IQSEC1: variants seen among roughly 807,000 people sequenced by gnomAD.
The protein encoded by IQSEC1 is IQ motif and Sec7 domain ArfGEF 1.
Under a neutral mutation model 91.0 loss-of-function variants are expected in IQSEC1, and 31 were observed. The observed-to-expected ratio is 0.34, with a 90% CI of 0.26 to 0.46. The LOEUF (loss-of-function observed/expected upper bound fraction) is 0.46, where lower values mean the gene tolerates loss of function less well. Among genes scored for constraint, IQSEC1 ranks in the 20% least tolerant of loss-of-function variants. IQSEC1 has a pLI of 1.00. For missense variants in IQSEC1, 1,388 were observed against 1,575.6 expected (o/e 0.88, Z 2.02); for synonymous variants, 699 against 662.6 (o/e 1.05, Z -0.84).
chr3:13,280,421 C>CG (rs144039440), intron 1 of IQSEC1, among the ~76,000 whole-genome samples: 5 of 152,118 alleles, frequency 3.3e-5, no homozygotes, highest in African/African-American at 1.2e-4. Context: ...TGAGCAGCCC[C>CG]GGGGGGGCCC....
chr3:13,162,048 C>T (rs1229602938), intron 2 of IQSEC1, among the ~76,000 whole-genome samples: 3 of 152,184 alleles, frequency 2.0e-5, no homozygotes, highest in Non-Finnish European at 4.4e-5. Flanking sequence ...CCTGATGATC[C>T]GCTGGAGTGA....
chr3:13,187,165 C>T (rs1195748396), intron 1 of IQSEC1, among the ~76,000 whole-genome samples: 1 of 152,202 alleles, frequency 6.6e-6, no homozygotes, highest in Non-Finnish European at 1.5e-5. Context: ...TCACAAACCC[C>T]TACTGAGTAT....
rs1456680078 is a variant in IQSEC1, at chr3:13,073,019, T to A, written c.-5A>T. On this transcript the variant is annotated 5_prime_UTR_variant, in exon 1 of 14. Coordinates refer to ENST00000613206, the MANE Select transcript of IQSEC1 (RefSeq NM_001134382.3). ...ATAGCGTCTTCTGCAAGCCATCCTGTGTGAATCCGTTCTTCCCTGTTCTGG... is the reference window on the plus strand; with the variant it reads ...ATAGCGTCTTCTGCAAGCCATCCTGAGTGAATCCGTTCTTCCCTGTTCTGG... 6 of 1,551,618 alleles carry A rather than the reference T, an allele frequency of 3.9e-6. No homozygotes were observed. The Admixed American group carries it at 1.2e-4, about 30-fold the overall frequency.
chr3:12,963,993 A>C (rs909954423), intron 1 of IQSEC1, among the ~76,000 whole-genome samples: 2 of 152,240 alleles, frequency 1.3e-5, no homozygotes, highest in Non-Finnish European at 1.5e-5. Flanking sequence ...CCATGAGGCC[A>C]GGCGCTATGC....
intron 1 of IQSEC1, among the ~76,000 whole-genome samples, chr3:13,213,691 G>T (rs1178027975): frequency 1.3e-5 from 2 of 152,126 alleles, no homozygotes; most frequent in African/African-American, 4.8e-5. Context: ...CAGACTGCAA[G>T]CTAAGCAATT....
At position 13,060,419 on chromosome 3, in the gene IQSEC1, G is replaced by A. The variant is rs563666183; in HGVS notation, c.23+12573C>T. On this transcript the variant is annotated intron_variant, in intron 1 of 13. Coordinates refer to ENST00000613206, the MANE Select transcript of IQSEC1 (RefSeq NM_001134382.3). ...CCCGGGACCTTACGGCTGGATCCGG[G>A]TTTGAAGTCAGCGGAGGCAGATGCA... Among the ~76,000 whole-genome samples the A allele has an allele frequency of 3.3e-5, 5 of 152,318 alleles. No homozygotes were observed. In the South Asian group the frequency reaches 1.0e-3, roughly 32 times the overall value.
At chr3:12,972,860 T>C (rs1297658646) in intron 1 of IQSEC1, among the ~76,000 whole-genome samples, 1 of 152,158 alleles carries the variant, frequency 6.6e-6, no homozygotes, top group African/African-American at 2.4e-5. Context: ...AACCTATTCC[T>C]AAGACTGTTA....
chr3:13,006,792 T>C (rs1272734791), intron 1 of IQSEC1, among the ~76,000 whole-genome samples: 3 of 152,202 alleles, frequency 2.0e-5, no homozygotes, highest in Non-Finnish European at 4.4e-5. Context: ...GAAGTGTCCA[T>C]GGGCCGCTGG....
intron 2 of IQSEC1, among the ~76,000 whole-genome samples, chr3:13,160,450 C>CA (rs765230798): frequency 7.9e-5 from 12 of 152,204 alleles, no homozygotes; most frequent in Admixed American, 2.0e-4. Flanking sequence ...TGTGAGCCCC[C>CA]AAGCCCTGCC....
intron 1 of IQSEC1, among the ~76,000 whole-genome samples, chr3:13,177,175 C>T (rs956599958): frequency 6.6e-6 from 1 of 152,246 alleles, no homozygotes; most frequent in Admixed American, 6.5e-5. Flanking sequence ...GGATTACACA[C>T]TTTAAAAGGG....
At chr3:13,175,290 G>C (rs1201367933) in intron 1 of IQSEC1, among the ~76,000 whole-genome samples, 6 of 152,176 alleles carry the variant, frequency 3.9e-5, no homozygotes, top group Non-Finnish European at 8.8e-5. Context: ...CACTCTAGGT[G>C]GTTATGGAGA....
chr3:13,247,884 A>G (rs1413313229), intron 1 of IQSEC1, among the ~76,000 whole-genome samples: 1 of 152,114 alleles, frequency 6.6e-6, no homozygotes, highest in African/African-American at 2.4e-5. Context: ...TCCACGGCCT[A>G]AGGAGACGCA....
chr3:13,092,453 C>T (rs1705879367), intron 2 of IQSEC1, among the ~76,000 whole-genome samples: 1 of 152,106 alleles, frequency 6.6e-6, no homozygotes, highest in Non-Finnish European at 1.5e-5. Flanking sequence ...CTGCCCAGGC[C>T]TCATTCCCTG....
intron 1 of IQSEC1, among the ~76,000 whole-genome samples, chr3:13,005,829 C>A (rs755967123): frequency 6.6e-6 from 1 of 152,130 alleles, no homozygotes; most frequent in African/African-American, 2.4e-5. Context: ...ATTTGAGGGT[C>A]CCCCTTGCAG....
At chr3:13,111,253 C>A (rs536898481) in intron 2 of IQSEC1, among the ~76,000 whole-genome samples, 2 of 152,354 alleles carry the variant, frequency 1.3e-5, no homozygotes, top group South Asian at 4.1e-4. Context: ...ACTAGCTTGG[C>A]TCCTTCCTGC....
Position 12,967,479 on chromosome 3 carries a change from CGGGAGCCGGGACCCAGGCCCAGCAGA to C in IQSEC1, c.24-25640_24-25615del. The C allele has an allele frequency of 6.7e-7, 1 of 1,500,050 alleles. No homozygotes were observed. Among genetic ancestry groups the C allele is most frequent in the Admixed American group, 2.1e-5 (1 of 47,396 alleles). 92.9% of individuals were successfully genotyped at this position (1,500,050 alleles called of 1,614,324 possible). A position where few individuals can be genotyped will look rare whatever the true frequency, so the allele number is the denominator to read the frequency against. On this transcript the variant is annotated intron_variant, in intron 1 of 13. Transcript: ENST00000613206. The surrounding 1 kb of genome is among the most constrained non-coding windows in gnomAD (Gnocchi z 5.9). ...CGGCCGCAGTGGGAGCGGGCCGGGC[CGGGAGCCGGGACCCAGGCCCAGCAGA>C]GGCCGCCGACTCCCGCCAGCGAGCC...
intron 1 of IQSEC1, among the ~76,000 whole-genome samples, chr3:13,045,843 G>A (rs1476414587): frequency 6.6e-6 from 1 of 152,242 alleles, no homozygotes; most frequent in African/African-American, 2.4e-5. Context: ...CACGCCTGCT[G>A]GCACCCTGAG....
intron 9 of IQSEC1, among the ~76,000 whole-genome samples, chr3:12,912,201 C>T (rs1040272353): frequency 1.8e-4 from 28 of 152,196 alleles, no homozygotes; most frequent in African/African-American, 3.6e-4. Flanking sequence ...CCAGCTGGCC[C>T]GCCACGGTCC....
intron 1 of IQSEC1, among the ~76,000 whole-genome samples, chr3:12,966,445 AC>A (rs1271721208): frequency 6.6e-6 from 1 of 151,940 alleles, no homozygotes; most frequent in Non-Finnish European, 1.5e-5. Flanking sequence ...CCTTAGCCCC[AC>A]CCCCCTGCTC....
Sources: gnomAD v4.1 joint callset for allele counts (sites outside exome capture counted in the v4.1 genomes callset) on GRCh38, gnomAD v4.1.1 for gene constraint, Gnocchi (gnomAD v3.1) non-coding constraint, MANE v1.5 for transcripts, NCBI Gene and HGNC (gene_info 2026-07-23, HGNC 2026-07-21) for gene names.